CCND1: variants seen among roughly 807,000 people sequenced by gnomAD.
CCND1 encodes G1/S-specific cyclin-D1.
A neutral mutation model predicts 26.1 loss-of-function variants in CCND1; 9 were observed. The observed-to-expected ratio is 0.35, with a 90% CI of 0.21 to 0.60. The LOEUF (loss-of-function observed/expected upper bound fraction) is 0.60, where lower values mean the gene tolerates loss of function less well. CCND1 is among the 20% of genes least tolerant of loss of function. The pLI is 0.79. For synonymous variants in CCND1, 194 were observed against 166.1 expected (o/e 1.17, Z -1.29); for missense variants, 335 against 392.9 (o/e 0.85, Z 1.25).
In CCND1 at chr11:69,651,867, C is replaced by G. The variant is rs1347630523; in HGVS notation, c.*585C>G. On this transcript the variant is annotated 3_prime_UTR_variant, in exon 5 of 5. Transcript: ENST00000227507. ...TTGCTTGCTCATATGCATGTAGTCA[C>G]TTTATAAGTCATTGTATGTTATTAT... 2.1e-5 allele frequency: 5 copies of G among 233,034 alleles called. No individual in the cohort carries two copies. Among genetic ancestry groups the G allele is most frequent in the Non-Finnish European group, 4.2e-5 (5 of 118,000 alleles). The allele number at this position is 233,034 out of a possible 1,614,324, so 14.4% of individuals were successfully genotyped here.
In CCND1 at chr11:69,654,229, G is replaced by A. The variant is rs553821905; in HGVS notation, c.*2947G>A. 1.4e-6 allele frequency: 1 copy of A among 702,024 alleles called. No homozygotes were observed. Among genetic ancestry groups the A allele is most frequent in the Non-Finnish European group, 2.6e-6 (1 of 384,794 alleles). 43.5% of individuals were successfully genotyped at this position (702,024 alleles called of 1,614,324 possible). On this transcript the variant is annotated 3_prime_UTR_variant, in exon 5 of 5. Transcript: ENST00000227507. The surrounding 1 kb of genome is among the most constrained non-coding windows in gnomAD (Gnocchi z 6.3). ...TGAGGGACGCTTTGTCTGTCGTGATGGGGCAAGGGCACAAGTCCTGGATGT... is the reference window on the plus strand; with the variant it reads ...TGAGGGACGCTTTGTCTGTCGTGATAGGGCAAGGGCACAAGTCCTGGATGT...
rs3918303 is a variant in CCND1, at chr11:69,653,402, C to CA, written c.*2121dup. 5.8e-3 allele frequency: 3,754 copies of CA among 646,282 alleles called. 99 individuals are homozygous for CA. In the African/African-American group the frequency reaches 0.058, roughly 10 times the overall value. The allele number at this position is 646,282 out of a possible 1,614,324, so 40.0% of individuals were successfully genotyped here. On this transcript the variant is annotated 3_prime_UTR_variant, in exon 5 of 5. Coordinates refer to ENST00000227507, the MANE Select transcript of CCND1 (RefSeq NM_053056.3). ...AGTTTTCTCTTAGAACATTGTATTA[C>CA]AGATGCCTTTTTTGTAGTTTTTTTT...
In CCND1 at chr11:69,654,181, C is replaced by T. The variant is rs1343120821; in HGVS notation, c.*2899C>T. ...ACCTCAACCATCCTGGCTGCGGCGTCTGTCTGAACCACGCGGGGGCCTTGA... is the reference window on the plus strand; with the variant it reads ...ACCTCAACCATCCTGGCTGCGGCGTTTGTCTGAACCACGCGGGGGCCTTGA... On this transcript the variant is annotated 3_prime_UTR_variant, in exon 5 of 5. Coordinates refer to ENST00000227507, the MANE Select transcript of CCND1 (RefSeq NM_053056.3). This position sits in a 1 kb window ranked among gnomAD's most constrained non-coding sequence, Gnocchi z 6.3. The T allele has an allele frequency of 7.6e-6, 5 of 654,128 alleles. No individual in the cohort carries two copies. The highest frequency in any genetic ancestry group is 1.4e-5 in the Non-Finnish European group (5 of 357,302). The allele number at this position is 654,128 out of a possible 1,614,324, so 40.5% of individuals were successfully genotyped here. A position where few individuals can be genotyped will look rare whatever the true frequency, so the allele number is the denominator to read the frequency against.
At chr11:69,651,030 C>T (rs529747956) in intron 4 of CCND1, 88 bp from the exon 5 acceptor site, 8 of 1,314,312 alleles carry the variant, frequency 6.1e-6, no homozygotes, top group South Asian at 4.1e-5. Context: ...TAAAGGCTTC[C>T]GGGTCATGGC....
In CCND1 at chr11:69,654,381, G is replaced by A. The variant is rs762698268; in HGVS notation, c.*3099G>A. ...GTCTGTGCATTTCTGGTTGCACCGC[G>A]GCGCTTCCCAGCACCAACATGTAAC... On this transcript the variant is annotated 3_prime_UTR_variant, in exon 5 of 5. Coordinates refer to ENST00000227507, the MANE Select transcript of CCND1 (RefSeq NM_053056.3). The surrounding 1 kb of genome is among the most constrained non-coding windows in gnomAD (Gnocchi z 6.3). 3.1e-5 allele frequency: 22 copies of A among 701,444 alleles called. No homozygotes were observed. Among genetic ancestry groups the A allele is most frequent in the South Asian group, 1.3e-4 (9 of 67,554 alleles). 43.5% of individuals were successfully genotyped at this position (701,444 alleles called of 1,614,324 possible). A position where few individuals can be genotyped will look rare whatever the true frequency, so the allele number is the denominator to read the frequency against.
Position 69,653,099 on chromosome 11 carries a change from T to C in CCND1, c.*1817T>C. The C allele has an allele frequency of 1.9e-6, 1 of 532,224 alleles. No individual in the cohort carries two copies. The highest frequency in any genetic ancestry group is 3.7e-5 in the Admixed American group (1 of 26,782). The allele number at this position is 532,224 out of a possible 1,614,324, so 33.0% of individuals were successfully genotyped here. ...CTATGTAATTCTTGTAATTTTTATTTAGGAAGTGTTGAAGGGAGGTGGCAA... is the reference window on the plus strand; with the variant it reads ...CTATGTAATTCTTGTAATTTTTATTCAGGAAGTGTTGAAGGGAGGTGGCAA... On this transcript the variant is annotated 3_prime_UTR_variant, in exon 5 of 5. Coordinates refer to ENST00000227507, the MANE Select transcript of CCND1 (RefSeq NM_053056.3).
chr11:69,648,088 C>T lies in CCND1; in HGVS notation c.669C>T (p.Phe223=), dbSNP rs3862792. The change falls in exon 4 of 5, where the codon TTC becomes TTT. Residue 223 remains phenylalanine, a synonymous_variant. Transcript: ENST00000227507. The part of the protein sequence containing the change: ...QGLNLRSPNN[F]LSYYRLTRFL... Reference sequence around the variant, plus strand: ...TGAACCTGAGGAGCCCCAACAACTTCCTGTCCTACTACCGCCTCACACGCT... The same window carrying T: ...TGAACCTGAGGAGCCCCAACAACTTTCTGTCCTACTACCGCCTCACACGCT... 57,462 of 1,613,888 alleles carry T rather than the reference C, an allele frequency of 0.036. 1,820 individuals carry two copies. Among genetic ancestry groups the T allele is most frequent in the African/African-American group, 0.14 (10,304 of 75,010 alleles).
chr11:69,647,465 C>T (rs1855797418), intron 3 of CCND1, among the ~76,000 whole-genome samples: 1 of 151,410 alleles, frequency 6.6e-6, no homozygotes, highest in African/African-American at 2.4e-5. Flanking sequence ...TCATCAGTAC[C>T]CTGCAGCCCC....
At chr11:69,648,248 G>A in intron 4 of CCND1, 106 bp downstream of exon 4, 3 of 1,366,428 alleles carry the variant, frequency 2.2e-6, no homozygotes, top group Non-Finnish European at 3.0e-6. Flanking sequence ...AGGGTGACAA[G>A]GTTGGGGCTG....
rs2120088711 is a variant in CCND1, at chr11:69,643,092, G to A, written c.260G>A (p.Arg87His). 6.2e-7 allele frequency: 1 copy of A among 1,611,004 alleles called. No homozygotes were observed. Among genetic ancestry groups the A allele is most frequent in the Non-Finnish European group, 8.5e-7 (1 of 1,179,076 alleles). The change falls in exon 2 of 5, where the codon CGC (arginine) becomes CAC (histidine). Residue 87 changes from arginine (R) to histidine (H), a missense_variant. Coordinates refer to ENST00000227507, the MANE Select transcript of CCND1 (RefSeq NM_053056.3). ...CCGCTGGCCATGAACTACCTGGACC[G>A]CTTCCTGTCGCTGGAGCCCGTGAAA... is the stretch of plus-strand genomic sequence containing the variant. ...VFPLAMNYLD[R>H]FLSLEPVKKS...
At chr11:69,644,963 C>G (rs1378635173) in intron 3 of CCND1, among the ~76,000 whole-genome samples, 1 of 152,248 alleles carries the variant, frequency 6.6e-6, no homozygotes, top group Non-Finnish European at 1.5e-5. Flanking sequence ...TCTCCCCTCC[C>G]CAGAGGGCAG....
intron 4 of CCND1, among the ~76,000 whole-genome samples, chr11:69,650,860 C>T (rs572423873): frequency 1.4e-5 from 2 of 143,296 alleles, no homozygotes; most frequent in Admixed American, 6.9e-5. Context: ...GCAGGGTGGG[C>T]GGGCAAGCAT....
At position 69,652,779 on chromosome 11, in the gene CCND1, TACACACAC is replaced by T. The variant is rs10640302; in HGVS notation, c.*1515_*1522del. On this transcript the variant is annotated 3_prime_UTR_variant, in exon 5 of 5. Transcript: ENST00000227507. ...TCTCCCCTTGATTTAAACACACAGA[TACACACAC>T]ACACACACACACACACAAACCTTCT... The T allele has an allele frequency of 0.015, 3,304 of 227,486 alleles. 90 individuals are homozygous for T. Among genetic ancestry groups the T allele is most frequent in the African/African-American group, 0.07 (3,136 of 44,804 alleles). 14.1% of individuals were successfully genotyped at this position (227,486 alleles called of 1,614,324 possible).
chr11:69,642,535 GT>G (rs900109520), intron 1 of CCND1, among the ~76,000 whole-genome samples: 5 of 152,158 alleles, frequency 3.3e-5, no homozygotes, highest in Non-Finnish European at 1.5e-5. Context: ...CATTTTCAGG[GT>G]TTTTTTATGC....
At chr11:69,643,690 C>T (rs999706159) in intron 2 of CCND1, 142 bp from the exon 3 acceptor site, 85 of 712,072 alleles carry the variant, frequency 1.2e-4, no homozygotes, top group Non-Finnish European at 1.9e-4. Flanking sequence ...CCCTCCCCTC[C>T]AACATCCAGG....
chr11:69,650,359 G>A (rs1279790972), intron 4 of CCND1, among the ~76,000 whole-genome samples: 4 of 152,240 alleles, frequency 2.6e-5, no homozygotes, highest in East Asian at 1.9e-4. Flanking sequence ...CTGGCTGGGC[G>A]TGGCGTTCCA....
chr11:69,653,588 G>A lies in CCND1; in HGVS notation c.*2306G>A. The stretch of plus-strand genomic sequence containing the variant: ...CGCGGGCGCGATCCCACACAGGCTG[G>A]CGGGGGCCGGCCCCGAGGCCGCGTG... On this transcript the variant is annotated 3_prime_UTR_variant, in exon 5 of 5. Transcript: ENST00000227507. 4.0e-6 allele frequency: 2 copies of A among 506,056 alleles called. No homozygotes were observed. The highest frequency in any genetic ancestry group is 7.0e-6 in the Non-Finnish European group (2 of 287,586). The allele number at this position is 506,056 out of a possible 1,614,324, so 31.3% of individuals were successfully genotyped here.
chr11:69,646,359 A>C (rs1025703194), intron 3 of CCND1, among the ~76,000 whole-genome samples: 1 of 152,140 alleles, frequency 6.6e-6, no homozygotes, highest in Non-Finnish European at 1.5e-5. Context: ...TCTCCCCTTC[A>C]GGGTGGCTGC....
At chr11:69,647,887 C>A (rs955920249) in intron 3 of CCND1, 107 bp from the exon 4 acceptor site, 7 of 1,330,856 alleles carry the variant, frequency 5.3e-6, no homozygotes, top group Middle Eastern at 2.3e-4. Flanking sequence ...TGCTTCCCTT[C>A]AGGCCGGGCC....
Sources: allele counts gnomAD v4.1 joint callset (sites outside exome capture counted in the v4.1 genomes callset), GRCh38; gene constraint gnomAD v4.1.1; non-coding constraint Gnocchi (gnomAD v3.1); transcripts MANE v1.5; gene names NCBI Gene and HGNC (gene_info 2026-07-23, HGNC 2026-07-21).